The following PLEKHG4B variants were observed in gnomAD, a reference collection of about 807,000 sequenced individuals.
PLEKHG4B encodes pleckstrin homology domain-containing family G member 4B.
A neutral mutation model predicts 121.3 loss-of-function variants in PLEKHG4B; 111 were observed. That is an observed-to-expected ratio of 0.92 (90% CI 0.78 to 1.07). The LOEUF (loss-of-function observed/expected upper bound fraction) is 1.07. PLEKHG4B is among the 50% of genes least tolerant of loss of function. The pLI, the probability that PLEKHG4B is intolerant of heterozygous loss-of-function variation, is 0.00. For missense variants in PLEKHG4B, 1,831 were observed against 1,757.8 expected (o/e 1.04, Z -0.74); for synonymous variants, 738 against 725.0 (o/e 1.02, Z -0.29).
At chr5:167,680 TCTC>T (rs1736397479) in intron 13 of PLEKHG4B, among the ~76,000 whole-genome samples, 1 of 152,058 alleles carries the variant, frequency 6.6e-6, no homozygotes, top group Non-Finnish European at 1.5e-5. Flanking sequence ...CAGAGAACCT[TCTC>T]CTGGAGAGTC....
chr5:163,447 G>A lies in PLEKHG4B; in HGVS notation c.3375G>A (p.Leu1125=). ...STVATEKKLP[L]WQHARSPPVT... The stretch of plus-strand genomic sequence containing the variant: ...TAGCCACAGAGAAGAAGCTCCCGCT[G>A]TGGCAGCATGCCAGGAGCCCCCCGG... Residue 1125 remains leucine (L), a synonymous_variant, in exon 13 of 20, where the codon CTG becomes CTA. Coordinates refer to ENST00000637938, the MANE Select transcript of PLEKHG4B (RefSeq NM_052909.5). The A allele has an allele frequency of 6.2e-7, 1 of 1,612,994 alleles. No homozygotes were observed. The highest frequency in any genetic ancestry group is 8.5e-7 in the Non-Finnish European group (1 of 1,180,044).
At chr5:167,124 C>T (rs1736379348) in intron 13 of PLEKHG4B, among the ~76,000 whole-genome samples, 1 of 152,202 alleles carries the variant, frequency 6.6e-6, no homozygotes, top group Non-Finnish European at 1.5e-5. Flanking sequence ...TTGATCAAGA[C>T]CCAATTAAGA....
At chr5:123,011 C>T (rs555813887) in intron 2 of PLEKHG4B, among the ~76,000 whole-genome samples, 7 of 152,140 alleles carry the variant, frequency 4.6e-5, no homozygotes, top group Non-Finnish European at 1.0e-4. Context: ...GAAAAAAAAT[C>T]GTTAAGAATA....
At chr5:155,204 CTG>C in intron 8 of PLEKHG4B, 139 bp from the exon 9 acceptor site, 2 of 864,784 alleles carry the variant, frequency 2.3e-6, no homozygotes, top group Non-Finnish European at 3.7e-6. Context: ...CCGGAAGTGT[CTG>C]TAGATCTCAG....
chr5:160,700 A>G (rs1484601964), intron 11 of PLEKHG4B, among the ~76,000 whole-genome samples: 1 of 152,098 alleles, frequency 6.6e-6, no homozygotes, highest in Non-Finnish European at 1.5e-5. Context: ...ACCTTAAGTT[A>G]TAGAATTATT....
intron 1 of PLEKHG4B, among the ~76,000 whole-genome samples, chr5:111,957 C>A (rs949707022): frequency 4.0e-5 from 6 of 148,560 alleles, no homozygotes; most frequent in Non-Finnish European, 7.4e-5. Flanking sequence ...GACTGTGTGA[C>A]CCTGGCCTGA....
intron 18 of PLEKHG4B, among the ~76,000 whole-genome samples, chr5:175,444 A>G (rs191606666): frequency 0.011 from 1,730 of 152,150 alleles, 27 homozygotes; most frequent in African/African-American, 0.039. Flanking sequence ...CTCCAACTCC[A>G]GGTCCTGCCC....
chr5:122,858 T>C (rs937004822), intron 2 of PLEKHG4B, among the ~76,000 whole-genome samples: 4 of 151,930 alleles, frequency 2.6e-5, no homozygotes, highest in Non-Finnish European at 5.9e-5. Flanking sequence ...CAGAGACAGA[T>C]AGGGACAATT....
At chr5:133,753 A>G (rs911540720) in intron 2 of PLEKHG4B, among the ~76,000 whole-genome samples, 16 of 152,122 alleles carry the variant, frequency 1.1e-4, no homozygotes, top group Non-Finnish European at 2.2e-4. Flanking sequence ...TAGATCTACC[A>G]CTTAATCCAG....
intron 13 of PLEKHG4B, among the ~76,000 whole-genome samples, chr5:166,574 G>T (rs1437971778): frequency 1.3e-5 from 2 of 151,972 alleles, no homozygotes; most frequent in African/African-American, 2.4e-5. Context: ...ACGGGGCGGG[G>T]CTCACACTAA....
In PLEKHG4B at chr5:163,294, T is replaced by TC; in HGVS notation, c.3226dup (p.Gln1076ProfsTer30). 1 of 1,613,144 alleles carries TC rather than the reference T, an allele frequency of 6.2e-7. No homozygotes were observed. The highest frequency in any genetic ancestry group is 1.1e-5 in the South Asian group (1 of 91,062). ...CCCTGGCCAGCCGCCCCAGGAAACATCCCCAGAAGAAAATGATAAAGAAAA... is the reference window on the plus strand; with the variant it reads ...CCCTGGCCAGCCGCCCCAGGAAACATCCCCCAGAAGAAAATGATAAAGAAAA... On this transcript the variant is annotated frameshift_variant, in exon 13 of 20. Transcript: ENST00000637938. LOFTEE classifies it high-confidence loss of function.
chr5:96,143 C>T (rs1733621672), intron 1 of PLEKHG4B, among the ~76,000 whole-genome samples: 1 of 152,196 alleles, frequency 6.6e-6, no homozygotes, highest in South Asian at 2.1e-4. Context: ...GCTGTGCACA[C>T]ACTGGCCCAG....
At position 92,252 on chromosome 5, in the gene PLEKHG4B, C is replaced by T. The variant is rs1357139165; in HGVS notation, c.21C>T (p.Asp7=). The change falls in exon 1 of 20, where the codon GAC becomes GAT. Residue 7 remains aspartate (D), a synonymous_variant. Coordinates refer to ENST00000637938, the MANE Select transcript of PLEKHG4B (RefSeq NM_052909.5). MGFSTA[D]GGGGPGARDL... ...CCAGCATGGGTTTCAGCACAGCAGA[C>T]GGCGGGGGCGGCCCAGGCGCCCGGG... 3 of 316,294 alleles carry T rather than the reference C, an allele frequency of 9.5e-6. No homozygotes were observed. Among genetic ancestry groups the T allele is most frequent in the East Asian group, 8.9e-5 (2 of 22,426 alleles). 19.6% of individuals were successfully genotyped at this position (316,294 alleles called of 1,614,324 possible). A position where few individuals can be genotyped will look rare whatever the true frequency, so the allele number is the denominator to read the frequency against.
At chr5:121,231 A>G (rs1402210255) in intron 2 of PLEKHG4B, among the ~76,000 whole-genome samples, 5 of 151,768 alleles carry the variant, frequency 3.3e-5, no homozygotes, top group African/African-American at 1.2e-4. Flanking sequence ...TGGGTGACAG[A>G]GTGAGACTCC....
At position 182,168 on chromosome 5, in the gene PLEKHG4B, C is replaced by T. The variant is rs776427473; in HGVS notation, c.4729C>T (p.Pro1577Ser). The change falls in exon 20 of 20, where the codon CCG (proline) becomes TCG (serine). Residue 1577 changes from proline to serine, a missense_variant. Coordinates refer to ENST00000637938, the MANE Select transcript of PLEKHG4B (RefSeq NM_052909.5). ...GLLVSSSPAH[P>S]GLWSPAHSPW... is the part of the protein sequence containing the mutation. ...GCTTGTGTCCTCCAGCCCAGCCCAC[C>T]CGGGCCTATGGAGCCCTGCCCACAG... 1.4e-5 allele frequency: 22 copies of T among 1,613,892 alleles called. No individual in the cohort carries two copies. In the South Asian group the frequency reaches 2.1e-4, roughly 15 times the overall value.
chr5:148,100 GA>G (rs1238418909), intron 6 of PLEKHG4B, among the ~76,000 whole-genome samples: 1 of 152,124 alleles, frequency 6.6e-6, no homozygotes, highest in Admixed American at 6.5e-5. Context: ...AAAGTTATAT[GA>G]AAAATCTACA....
intron 2 of PLEKHG4B, among the ~76,000 whole-genome samples, chr5:135,688 T>A (rs1310656811): frequency 0.037 from 1,428 of 38,516 alleles, 12 homozygotes; most frequent in African/African-American, 0.065. Flanking sequence ...AAAAAATATA[T>A]ATATATATAT....
At chr5:124,651 T>C (rs1734560533) in intron 2 of PLEKHG4B, among the ~76,000 whole-genome samples, 1 of 152,256 alleles carries the variant, frequency 6.6e-6, no homozygotes, top group Non-Finnish European at 1.5e-5. Flanking sequence ...CTTCATGGTA[T>C]CTGGTAACAT....
intron 13 of PLEKHG4B, among the ~76,000 whole-genome samples, chr5:168,535 T>TC (rs1448862743): frequency 6.6e-6 from 1 of 151,968 alleles, no homozygotes; most frequent in East Asian, 1.9e-4. Context: ...ACCACAGCCT[T>TC]CCTTAGCAGA....
Sources: allele counts gnomAD v4.1 joint callset (sites outside exome capture counted in the v4.1 genomes callset), GRCh38; gene constraint gnomAD v4.1.1; transcripts MANE v1.5; gene names NCBI Gene and HGNC (gene_info 2026-07-23, HGNC 2026-07-21).